The following VWC2 variants were observed in gnomAD, a reference collection of about 807,000 sequenced individuals.
VWC2 encodes the protein von Willebrand factor C domain containing 2.
In VWC2, 14 loss-of-function variants were observed where a neutral mutation model predicts 29.8. The observed-to-expected ratio is 0.47, with a 90% CI of 0.31 to 0.74. The LOEUF (loss-of-function observed/expected upper bound fraction) is 0.74, where lower values mean the gene tolerates loss of function less well. Among genes scored for constraint, VWC2 ranks in the 30% least tolerant of loss-of-function variants. The probability of loss-of-function intolerance (pLI) is 0.05; values close to 1 mark genes in which losing one functional copy is unlikely to be tolerated. For synonymous variants in VWC2, 213 were observed against 199.0 expected (o/e 1.07, Z -0.59); for missense variants, 457 against 459.8 (o/e 0.99, Z 0.05).
chr7:49,900,413 A>G (rs1371708135), intron 3 of VWC2, among the ~76,000 whole-genome samples: 1 of 151,758 alleles, frequency 6.6e-6, no homozygotes, highest in Non-Finnish European at 1.5e-5. Flanking sequence ...AGTTCTAAGT[A>G]TCTCACCAAG....
At chr7:49,807,687 CAT>C (rs1788910189) in intron 3 of VWC2, among the ~76,000 whole-genome samples, 1 of 152,092 alleles carries the variant, frequency 6.6e-6, no homozygotes, top group African/African-American at 2.4e-5. Context: ...TAGAGGAAAA[CAT>C]AGAACAGCTT....
At chr7:49,892,339 C>G (rs1792179138) in intron 3 of VWC2, among the ~76,000 whole-genome samples, 4 of 151,998 alleles carry the variant, frequency 2.6e-5, no homozygotes. Context: ...AGCCACCGCG[C>G]CCGGCCAGAC....
chr7:49,832,361 G>T (rs112195499), intron 3 of VWC2, among the ~76,000 whole-genome samples: 3 of 151,982 alleles, frequency 2.0e-5, no homozygotes, highest in Non-Finnish European at 2.9e-5. Context: ...AACAGAATTT[G>T]CTGAGAAATA....
chr7:49,813,016 C>G (rs1276300724), intron 3 of VWC2, among the ~76,000 whole-genome samples: 1 of 152,152 alleles, frequency 6.6e-6, no homozygotes, highest in Non-Finnish European at 1.5e-5. Flanking sequence ...TTTTTGTACT[C>G]TCAGTTCCTT....
intron 3 of VWC2, among the ~76,000 whole-genome samples, chr7:49,882,572 CAA>C (rs752445434): frequency 1.3e-5 from 2 of 151,614 alleles, no homozygotes; most frequent in Non-Finnish European, 2.9e-5. Flanking sequence ...CAGGGAGTAA[CAA>C]AGAGAGATAA....
At chr7:49,800,881 G>A (rs1788723001) in intron 2 of VWC2, among the ~76,000 whole-genome samples, 1 of 144,412 alleles carries the variant, frequency 6.9e-6, no homozygotes, top group Non-Finnish European at 1.5e-5. Context: ...ACCTAATTGT[G>A]CCAACAACAA....
At chr7:49,784,330 A>C (rs989877078) in intron 2 of VWC2, among the ~76,000 whole-genome samples, 7 of 152,188 alleles carry the variant, frequency 4.6e-5, no homozygotes, top group Non-Finnish European at 8.8e-5. Flanking sequence ...TTCACATTCT[A>C]TATTCATTTT....
intron 3 of VWC2, among the ~76,000 whole-genome samples, chr7:49,812,857 G>T (rs1468804750): frequency 6.6e-6 from 1 of 152,174 alleles, no homozygotes; most frequent in Non-Finnish European, 1.5e-5. Flanking sequence ...GTTATGAAAA[G>T]ATACTCCTAA....
At chr7:49,846,403 C>G (rs1789947104) in intron 3 of VWC2, among the ~76,000 whole-genome samples, 4 of 152,214 alleles carry the variant, frequency 2.6e-5, no homozygotes, top group Admixed American at 6.5e-5. Flanking sequence ...ATGCAGGGCT[C>G]CAGCCCTGTG....
In VWC2 at chr7:49,844,217, A is replaced by G. The variant is rs530270360; in HGVS notation, c.826+41377A>G. Among the ~76,000 whole-genome samples the G allele has an allele frequency of 4.6e-5, 7 of 152,350 alleles. No homozygotes were observed. In the South Asian group the frequency reaches 1.5e-3, roughly 32 times the overall value. Reference sequence around the variant, plus strand: ...TGGACGTCATGCATGCTAGTAGAGAATATCTCTACATCAATCCTTATGATG... The same window carrying G: ...TGGACGTCATGCATGCTAGTAGAGAGTATCTCTACATCAATCCTTATGATG... On this transcript the variant is annotated intron_variant, in intron 3 of 3. Coordinates refer to ENST00000340652, the MANE Select transcript of VWC2 (RefSeq NM_198570.5).
At chr7:49,833,960 A>G (rs1401080026) in intron 3 of VWC2, among the ~76,000 whole-genome samples, 1 of 152,232 alleles carries the variant, frequency 6.6e-6, no homozygotes, top group Admixed American at 6.5e-5. Flanking sequence ...ACCAAAGCAG[A>G]TAAAGTTTTG....
chr7:49,775,677 G>T lies in VWC2; in HGVS notation c.242G>T (p.Gly81Val). 6.6e-7 allele frequency: 1 copy of T among 1,525,296 alleles called. No homozygotes were observed. Among genetic ancestry groups the T allele is most frequent in the Non-Finnish European group, 8.8e-7 (1 of 1,139,580 alleles). The allele number at this position is 1,525,296 out of a possible 1,614,324, so 94.5% of individuals were successfully genotyped here. A position where few individuals can be genotyped will look rare whatever the true frequency, so the allele number is the denominator to read the frequency against. Reference protein sequence around the residue: ...GSGRDWKSKSGRGLAGREPWS... With the variant: ...GSGRDWKSKSVRGLAGREPWS... Reference sequence around the variant, plus strand: ...GGCCGGGACTGGAAGAGCAAGAGCGGCCGTGGGCTCGCCGGCCGTGAGCCG... The same window carrying T: ...GGCCGGGACTGGAAGAGCAAGAGCGTCCGTGGGCTCGCCGGCCGTGAGCCG... The change falls in exon 2 of 4, where the codon GGC (glycine) becomes GTC (valine). Residue 81 changes from glycine (G) to valine (V), a missense_variant. By Grantham distance (109) the Gly-to-Val change is moderately radical. Transcript: ENST00000340652.
intron 3 of VWC2, among the ~76,000 whole-genome samples, chr7:49,863,483 A>G (rs1790749514): frequency 6.6e-6 from 1 of 151,948 alleles, no homozygotes. Flanking sequence ...CACAGGCTGG[A>G]GTGCATGGCA....
At chr7:49,908,446 A>C (rs954145998) in intron 3 of VWC2, among the ~76,000 whole-genome samples, 1 of 152,224 alleles carries the variant, frequency 6.6e-6, no homozygotes, top group African/African-American at 2.4e-5. Flanking sequence ...TAAGCAAAAT[A>C]AGTAAATATG....
Position 49,773,690 on chromosome 7 carries a change from G to T in VWC2, c.-527G>T. The T allele has an allele frequency of 6.6e-6, 1 of 152,338 alleles. No individual in the cohort carries two copies. Among genetic ancestry groups the T allele is most frequent in the South Asian group, 2.1e-4 (1 of 4,844 alleles). 9.4% of individuals were successfully genotyped at this position (152,338 alleles called of 1,614,324 possible). On this transcript the variant is annotated 5_prime_UTR_variant, in exon 1 of 4. Coordinates refer to ENST00000340652, the MANE Select transcript of VWC2 (RefSeq NM_198570.5). ...CCACTCGCGCGCCGGCCGCGCTCCG[G>T]GCTTCTCTTTTCCCTCCGACGCGCC...
At chr7:49,840,965 C>T (rs1290655083) in intron 3 of VWC2, among the ~76,000 whole-genome samples, 1 of 152,158 alleles carries the variant, frequency 6.6e-6, no homozygotes, top group Non-Finnish European at 1.5e-5. Flanking sequence ...AAAGAACAGA[C>T]TCAGATGGTG....
At chr7:49,852,718 A>C (rs1220814724) in intron 3 of VWC2, among the ~76,000 whole-genome samples, 1 of 152,134 alleles carries the variant, frequency 6.6e-6, no homozygotes, top group African/African-American at 2.4e-5. Flanking sequence ...CTACAGATCA[A>C]AATCTGCGGG....
intron 2 of VWC2, among the ~76,000 whole-genome samples, chr7:49,795,201 C>T (rs1168087412): frequency 6.6e-6 from 1 of 152,160 alleles, no homozygotes; most frequent in East Asian, 1.9e-4. Context: ...TGTATGTAAT[C>T]TCTAATCAGC....
At chr7:49,854,996 A>T (rs563058543) in intron 3 of VWC2, among the ~76,000 whole-genome samples, 3 of 152,334 alleles carry the variant, frequency 2.0e-5, no homozygotes, top group African/African-American at 7.2e-5. Context: ...AAGCTTCCTG[A>T]AAATGCAAAC....
Sources: gnomAD v4.1 joint callset for allele counts (sites outside exome capture counted in the v4.1 genomes callset) on GRCh38, gnomAD v4.1.1 for gene constraint, MANE v1.5 for transcripts, NCBI Gene and HGNC (gene_info 2026-07-23, HGNC 2026-07-21) for gene names.